ZNF705D: variants seen among roughly 807,000 people sequenced by gnomAD.
ZNF705D encodes the protein putative zinc finger protein 705C.
For missense variants in ZNF705D, 6 were observed against 129.4 expected (o/e 0.05, Z 4.63); for synonymous variants, 1 against 43.8 (o/e 0.02, Z 3.86).
chr8:12,091,770 C>A, the ZNF705D span, among the ~76,000 whole-genome samples: 227 of 11,834 alleles, frequency 0.019, 14 homozygotes, highest in African/African-American at 0.037. Context: ...CACCTCCATG[C>A]CCGGCTAATT....
chr8:12,089,888 G>A, the ZNF705D span, among the ~76,000 whole-genome samples: 1 of 47,432 alleles, frequency 2.1e-5, no homozygotes, highest in African/African-American at 3.3e-5. Flanking sequence ...TGAAAGGCGG[G>A]TCTCACTCCC....
chr8:12,109,093 G>A (rs1369008278), intron 1 of ZNF705D, among the ~76,000 whole-genome samples: 2 of 91,010 alleles, frequency 2.2e-5, no homozygotes, highest in Admixed American at 3.1e-4. Flanking sequence ...TGTTTGGACT[G>A]CCGAGAGAAA....
chr8:12,103,491 C>A (rs1158695730), upstream of ZNF705D, among the ~76,000 whole-genome samples: 125 of 81,404 alleles, frequency 1.5e-3, no homozygotes, highest in African/African-American at 3.5e-3. Context: ...GAGCCTTTAA[C>A]CTTGATCCTG....
chr8:12,090,107 G>C, the ZNF705D span, among the ~76,000 whole-genome samples: 1 of 86,432 alleles, frequency 1.2e-5, no homozygotes, highest in African/African-American at 2.8e-5. Flanking sequence ...ACAAAGTTCA[G>C]CTAGAGAGGT....
rs1167778500 is a variant in ZNF705D at position 12,110,444 on chromosome 8, TG to T, written c.140-355del. ...ACACCAATTATTTTTGTAAATCGAATGTTTTTTTTTGTTCTGCGTGAGAATA... is the reference window on the plus strand; with the variant it reads ...ACACCAATTATTTTTGTAAATCGAATTTTTTTTTTGTTCTGCGTGAGAATA... On this transcript the variant is annotated intron_variant, in intron 2 of 4. Transcript: ENST00000400078. Among the ~76,000 whole-genome samples the T allele has an allele frequency of 4.2e-4, 21 of 49,990 alleles. 3 individuals are homozygous for T. The South Asian group carries it at 4.7e-3, about 11-fold the overall frequency. 32.8% of individuals were successfully genotyped at this position (49,990 alleles called of 152,430 possible). A position where few individuals can be genotyped will look rare whatever the true frequency, so the allele number is the denominator to read the frequency against.
downstream of ZNF705D, chr8:12,113,203 A>C (rs1802288724): frequency 9.2e-7 from 1 of 1,085,566 alleles, no homozygotes; most frequent in African/African-American, 1.6e-5. Flanking sequence ...AATGCCATTT[A>C]TGTGGGAAAG....
the ZNF705D span, among the ~76,000 whole-genome samples, chr8:12,089,651 C>G: frequency 3.5e-4 from 23 of 66,536 alleles, 2 homozygotes; most frequent in African/African-American, 7.0e-4. Flanking sequence ...ATCGTATGTT[C>G]TTTGTCTTCT....
At chr8:12,089,966 C>T in the ZNF705D span, among the ~76,000 whole-genome samples, 86 of 51,866 alleles carry the variant, frequency 1.7e-3, 11 homozygotes, top group African/African-American at 2.8e-3. Context: ...GAAAACTTAC[C>T]TGAGGCTTTC....
chr8:12,110,387 T>G lies in ZNF705D; in HGVS notation c.139+361T>G, dbSNP rs1200447071. Among the ~76,000 whole-genome samples, 6 of 75,956 alleles carry G rather than the reference T, an allele frequency of 7.9e-5. 2 individuals are homozygous for G. Among genetic ancestry groups the G allele is most frequent in the Non-Finnish European group, 1.3e-4 (4 of 31,072 alleles). The allele number at this position is 75,956 out of a possible 152,430, so 49.8% of individuals were successfully genotyped here. A position where few individuals can be genotyped will look rare whatever the true frequency, so the allele number is the denominator to read the frequency against. On this transcript the variant is annotated intron_variant, in intron 2 of 4. Transcript: ENST00000400078. ...CTATGCTTAGGCTGAGACCAATTAG[T>G]GAAAACAATAGCAATATCTTTTCCA...
At chr8:12,099,177 AC>A in the ZNF705D span, among the ~76,000 whole-genome samples, 1 of 88,634 alleles carries the variant, frequency 1.1e-5, no homozygotes, top group African/African-American at 2.8e-5. Context: ...AGCTTTGGAG[AC>A]AAAAATTTAG....
chr8:12,105,478 C>A (rs1802192915), upstream of ZNF705D, among the ~76,000 whole-genome samples: 1 of 88,778 alleles, frequency 1.1e-5, no homozygotes, highest in African/African-American at 3.1e-5. Context: ...TGGCTTACGC[C>A]TGTAATCCCA....
chr8:12,107,078 G>A (rs201307507), upstream of ZNF705D, among the ~76,000 whole-genome samples: 293 of 3,804 alleles, frequency 0.077, 19 homozygotes, highest in East Asian at 0.6. Context: ...CCACGTTAGT[G>A]AAACATCAGA....
chr8:12,089,852 T>G, the ZNF705D span, among the ~76,000 whole-genome samples: 3,256 of 47,168 alleles, frequency 0.069, 857 homozygotes, highest in South Asian at 0.14. Flanking sequence ...TCAGGGAAGT[T>G]GGGGAAAGCT....
the ZNF705D span, among the ~76,000 whole-genome samples, chr8:12,090,084 C>T: frequency 2.5e-5 from 2 of 81,522 alleles, no homozygotes; most frequent in Non-Finnish European, 5.9e-5. Context: ...CTTCCAGCCC[C>T]ATTCAATTTT....
At chr8:12,090,162 C>G in the ZNF705D span, among the ~76,000 whole-genome samples, 20 of 92,282 alleles carry the variant, frequency 2.2e-4, 7 homozygotes, top group Admixed American at 2.8e-3. Flanking sequence ...TGGCCACCCC[C>G]CCGATGGATG....
At chr8:12,106,248 A>ATT (rs34124930), upstream of ZNF705D, among the ~76,000 whole-genome samples, 82 of 108,924 alleles carry the variant, frequency 7.5e-4, 9 homozygotes, top group East Asian at 2.6e-3. Context: ...CTAATATCTT[A>ATT]TTTTTTTTGA....
At chr8:12,090,491 C>G in the ZNF705D span, among the ~76,000 whole-genome samples, 1 of 21,114 alleles carries the variant, frequency 4.7e-5, no homozygotes, top group African/African-American at 7.6e-5. Context: ...TCTGCTCTTG[C>G]AGTCCATCTG....
At chr8:12,107,112 C>A (rs1487686745), upstream of ZNF705D, among the ~76,000 whole-genome samples, 1 of 4,794 alleles carries the variant, frequency 2.1e-4, no homozygotes, top group African/African-American at 4.1e-4. Context: ...TTTCTCCCAC[C>A]CCTATGTCAT....
the ZNF705D span, among the ~76,000 whole-genome samples, chr8:12,095,794 A>ACACACACT: frequency 2.4e-5 from 1 of 42,222 alleles, no homozygotes; most frequent in Non-Finnish European, 5.1e-5. Flanking sequence ...ACACACACAC[A>ACACACACT]CTCTATATGA....
Sources: allele counts gnomAD v4.1 joint callset (sites outside exome capture counted in the v4.1 genomes callset), GRCh38; gene constraint gnomAD v4.1.1; transcripts MANE v1.5; gene names NCBI Gene and HGNC (gene_info 2026-07-23, HGNC 2026-07-21).